Variants in HDLBP observed in about 807,000 individuals in gnomAD.
HDLBP encodes the protein high density lipoprotein binding protein, also known as vigilin.
A neutral mutation model predicts 137.3 loss-of-function variants in HDLBP; 30 were observed. That is an observed-to-expected ratio of 0.22 (90% CI 0.16 to 0.30). The LOEUF is 0.30. Among genes scored for constraint, HDLBP ranks in the 10% least tolerant of loss-of-function variants. HDLBP has a pLI of 1.00. For missense variants in HDLBP, 1,119 were observed against 1,667.3 expected (o/e 0.67, Z 5.73); for synonymous variants, 606 against 596.0 (o/e 1.02, Z -0.24).
intron 1 of HDLBP, among the ~76,000 whole-genome samples, chr2:241,303,268 C>T (rs2075453260): frequency 1.3e-5 from 2 of 152,182 alleles, no homozygotes; most frequent in Admixed American, 6.5e-5. Context: ...CAGGGTGCCA[C>T]TCCAGGAGCC....
rs1036145774 is a variant in HDLBP at position 241,272,210 on chromosome 2, G to A, written c.-102-3669C>T. The stretch of plus-strand genomic sequence containing the variant: ...CGCGGCAGGTGGAGGTGCTGCGGGG[G>A]CCCCGCCGCCCGGTCTGCGCCCAGA... On this transcript the variant is annotated intron_variant, in intron 1 of 27. Transcript: ENST00000310931. The surrounding 1 kb of genome is among the most constrained non-coding windows in gnomAD (Gnocchi z 5.6). 4 of 982,450 alleles carry A rather than the reference G, an allele frequency of 4.1e-6. No homozygotes were observed. The African/African-American group carries it at 5.3e-5, about 13-fold the overall frequency. 60.9% of individuals were successfully genotyped at this position (982,450 alleles called of 1,614,324 possible).
At chr2:241,303,829 G>A (rs912805865) in intron 1 of HDLBP, among the ~76,000 whole-genome samples, 1 of 152,126 alleles carries the variant, frequency 6.6e-6, no homozygotes, top group African/African-American at 2.4e-5. Context: ...TTTTTTTGGA[G>A]ACGGAGTCTC....
Position 241,229,654 on chromosome 2 carries a change from T to C in HDLBP, c.3754A>G (p.Ser1252Gly). The C allele has an allele frequency of 6.2e-7, 1 of 1,614,164 alleles. No individual in the cohort carries two copies. Among genetic ancestry groups the C allele is most frequent in the Non-Finnish European group, 8.5e-7 (1 of 1,180,026 alleles). ...TTGGGAGCCACCTGAGCCCCAAAGC[T>C]GGGAAATTCCTCAGAGCTGCTCATG... is the stretch of plus-strand genomic sequence containing the variant. ...PDMSSSEEFP[S>G]FGAQVAPKTL... The change falls in exon 28 of 28, where the codon AGC (serine) becomes GGC (glycine). Residue 1252 changes from serine to glycine, a missense_variant. Transcript: ENST00000310931.
chr2:241,235,305 A>G (rs2070273545), intron 22 of HDLBP, 50 bp from the exon 23 acceptor site: 1 of 1,613,232 alleles, frequency 6.2e-7, no homozygotes, highest in East Asian at 2.2e-5. Flanking sequence ...GAGAACAGGA[A>G]AGAGTCCATT....
chr2:241,244,036 C>T (rs371802949), intron 16 of HDLBP, among the ~76,000 whole-genome samples: 5 of 152,082 alleles, frequency 3.3e-5, no homozygotes, highest in African/African-American at 1.2e-4. Context: ...ATGTTAAGAA[C>T]TGAAAATACA....
chr2:241,269,674 C>T (rs1175305271), intron 1 of HDLBP: 1 of 152,176 alleles, frequency 6.6e-6, no homozygotes, highest in Non-Finnish European at 1.5e-5. Flanking sequence ...CATTTAAAAG[C>T]ATCACCAAAA....
intron 1 of HDLBP, among the ~76,000 whole-genome samples, chr2:241,310,344 T>C (rs1306582957): frequency 1.3e-5 from 2 of 152,208 alleles, no homozygotes; most frequent in Admixed American, 6.5e-5. Context: ...TTTTCTTTTA[T>C]GAGATATATT....
In HDLBP at chr2:241,254,983, C is replaced by T. The variant is rs903074965; in HGVS notation, c.1188+68G>A. On this transcript the variant is annotated intron_variant, in intron 9 of 27. Coordinates refer to ENST00000310931, the MANE Select transcript of HDLBP (RefSeq NM_005336.6). ...ATCCACAGTACAAAGGTCAACAAAG[C>T]AATATCAGAAACAGAAAGACAGAAA... 1.1e-5 allele frequency: 14 copies of T among 1,223,894 alleles called. No individual in the cohort carries two copies. In the Admixed American group the frequency reaches 1.4e-4, roughly 12 times the overall value. 75.8% of individuals were successfully genotyped at this position (1,223,894 alleles called of 1,614,324 possible).
At chr2:241,249,804 C>T (rs777625037) in intron 12 of HDLBP, 37 bp downstream of exon 12, 5 of 1,568,104 alleles carry the variant, frequency 3.2e-6, no homozygotes, top group Admixed American at 3.8e-5. Flanking sequence ...AGACGCAAGG[C>T]CAGTGCCTTT....
chr2:241,239,455 G>A lies in HDLBP; in HGVS notation c.2610+147C>T. On this transcript the variant is annotated intron_variant, in intron 19 of 27. Transcript: ENST00000310931. This position sits in a 1 kb window ranked among gnomAD's most constrained non-coding sequence, Gnocchi z 4.6. Reference sequence around the variant, plus strand: ...GAGGCCAGACAGGCTGAGGAAAGAAGAGCGAGCACCAGAAAGCCCCTTCTG... The same window carrying A: ...GAGGCCAGACAGGCTGAGGAAAGAAAAGCGAGCACCAGAAAGCCCCTTCTG... 4.8e-6 allele frequency: 3 copies of A among 626,212 alleles called. No individual in the cohort carries two copies. Among genetic ancestry groups the A allele is most frequent in the African/African-American group, 1.8e-5 (1 of 54,572 alleles). 38.8% of individuals were successfully genotyped at this position (626,212 alleles called of 1,614,324 possible). A position where few individuals can be genotyped will look rare whatever the true frequency, so the allele number is the denominator to read the frequency against.
chr2:241,242,866 C>T, intron 16 of HDLBP, 188 bp from the exon 17 acceptor site: 2 of 608,556 alleles, frequency 3.3e-6, no homozygotes, highest in East Asian at 2.8e-5. Flanking sequence ...GAGTGCACGT[C>T]CTGGGGAGAG....
chr2:241,230,304 C>T lies in HDLBP; in HGVS notation c.3475-35G>A, dbSNP rs748705699. 9.4e-6 allele frequency: 12 copies of T among 1,271,500 alleles called. No homozygotes were observed. In the African/African-American group the frequency reaches 1.8e-4, roughly 19 times the overall value. The allele number at this position is 1,271,500 out of a possible 1,614,324, so 78.8% of individuals were successfully genotyped here. On this transcript the variant is annotated intron_variant, in intron 25 of 27. Coordinates refer to ENST00000310931, the MANE Select transcript of HDLBP (RefSeq NM_005336.6). The surrounding 1 kb of genome is among the most constrained non-coding windows in gnomAD (Gnocchi z 5.0). ...GTGTACAACGTCAGATGAGGGGACT[C>T]CAAGCGAGGAAAAGGGTTAAAATTA... is the stretch of plus-strand genomic sequence containing the variant.
At chr2:241,237,711 G>A (rs1181809077) in intron 20 of HDLBP, among the ~76,000 whole-genome samples, 2 of 139,658 alleles carry the variant, frequency 1.4e-5, no homozygotes, top group African/African-American at 5.2e-5. Context: ...GTCTAAAAAT[G>A]ACATTCAGAA....
Position 241,255,326 on chromosome 2 carries a change from C to T in HDLBP, c.1080+48G>A, listed in dbSNP as rs201949628. On this transcript the variant is annotated intron_variant, in intron 8 of 27. Coordinates refer to ENST00000310931, the MANE Select transcript of HDLBP (RefSeq NM_005336.6). ...ATCGAGAGCTCATCCATGAAGGCCC[C>T]GCGGACTCCACTCAAAGGAGACACA... 81 of 1,540,556 alleles carry T rather than the reference C, an allele frequency of 5.3e-5. No individual in the cohort carries two copies. In the Admixed American group the frequency reaches 6.7e-4, roughly 13 times the overall value.
intron 1 of HDLBP, among the ~76,000 whole-genome samples, chr2:241,299,482 T>C (rs2075311286): frequency 1.7e-5 from 2 of 121,042 alleles, no homozygotes; most frequent in South Asian, 5.1e-4. Flanking sequence ...ATGGCACCAC[T>C]GAACTCCAGC....
At chr2:241,247,335 A>C in intron 14 of HDLBP, 193 bp from the exon 15 acceptor site, 1 of 595,136 alleles carries the variant, frequency 1.7e-6, no homozygotes, top group Non-Finnish European at 3.0e-6. Flanking sequence ...AATTACAGTC[A>C]ATCGATGCAA....
In HDLBP at chr2:241,233,678, G is replaced by A; in HGVS notation, c.3288+142C>T. 1.2e-6 allele frequency: 1 copy of A among 845,976 alleles called. No individual in the cohort carries two copies. The highest frequency in any genetic ancestry group is 1.9e-6 in the Non-Finnish European group (1 of 537,474). 52.4% of individuals were successfully genotyped at this position (845,976 alleles called of 1,614,324 possible). A position where few individuals can be genotyped will look rare whatever the true frequency, so the allele number is the denominator to read the frequency against. ...TACCGAGACACAGCCCAAACCTCAA[G>A]CCAGAATTAGGTCCTGAGAGACTTG... On this transcript the variant is annotated intron_variant, in intron 24 of 27. Coordinates refer to ENST00000310931, the MANE Select transcript of HDLBP (RefSeq NM_005336.6). The surrounding 1 kb of genome is among the most constrained non-coding windows in gnomAD (Gnocchi z 4.3).
chr2:241,305,121 G>A (rs1044187265), intron 1 of HDLBP, among the ~76,000 whole-genome samples: 9 of 152,136 alleles, frequency 5.9e-5, no homozygotes, highest in Admixed American at 2.0e-4. Flanking sequence ...ACTCTACCAG[G>A]CTCTACTTTT....
intron 1 of HDLBP, among the ~76,000 whole-genome samples, chr2:241,297,924 T>C (rs60214954): frequency 0.026 from 3,982 of 151,622 alleles, 113 homozygotes; most frequent in African/African-American, 0.069. Flanking sequence ...GGCACACATC[T>C]GCAGTCCCAG....
Sources: allele counts gnomAD v4.1 joint callset (sites outside exome capture counted in the v4.1 genomes callset), GRCh38; gene constraint gnomAD v4.1.1; non-coding constraint Gnocchi (gnomAD v3.1); transcripts MANE v1.5; gene names NCBI Gene and HGNC (gene_info 2026-07-23, HGNC 2026-07-21).